PATJ: variants seen among roughly 807,000 people sequenced by gnomAD.
The protein encoded by PATJ is PATJ crumbs cell polarity complex component.
PATJ carries 190 observed loss-of-function variants against 224.9 expected under a neutral mutation model. The ratio of observed to expected loss-of-function variants is 0.84; its 90% confidence interval spans 0.75 to 0.95. The LOEUF (loss-of-function observed/expected upper bound fraction) is 0.95. PATJ is among the 40% of genes least tolerant of loss of function. The pLI, the probability that PATJ is intolerant of heterozygous loss-of-function variation, is 0.00. For synonymous variants in PATJ, 769 were observed against 820.3 expected, an observed-to-expected ratio of 0.94 and a Z score of 1.07; for missense variants, 2,121 against 2,270.3, an observed-to-expected ratio of 0.93 and a Z score of 1.34.
At chr1:61,765,065 C>CTTTTTTTTT (rs1491546787) in intron 3 of PATJ, among the ~76,000 whole-genome samples, 3 of 17,010 alleles carry the variant, frequency 1.8e-4, no homozygotes, top group Non-Finnish European at 3.6e-4. Flanking sequence ...TATTGACATT[C>CTTTTTTTTT]ATTTTTTTTT....
intron 20 of PATJ, among the ~76,000 whole-genome samples, chr1:61,867,189 C>T (rs1266936406): frequency 1.3e-5 from 2 of 152,160 alleles, no homozygotes; most frequent in East Asian, 1.9e-4. Context: ...TTTTACCCAG[C>T]GCTATTCAAG....
At chr1:62,038,934 C>T in intron 30 of PATJ, 2 of 1,171,246 alleles carry the variant, frequency 1.7e-6, no homozygotes, top group South Asian at 1.2e-5. Context: ...ATCTGGGTTG[C>T]CATGGGACCC....
chr1:62,121,385 A>G (rs1165335509), intron 38 of PATJ, 90 bp downstream of exon 38: 150 of 791,534 alleles, frequency 1.9e-4, no homozygotes, highest in Non-Finnish European at 1.8e-5. Flanking sequence ...CTTCTTTAAT[A>G]TAAATGTTTT....
At chr1:62,098,594 C>CA (rs111316760) in intron 33 of PATJ, among the ~76,000 whole-genome samples, 28,749 of 138,870 alleles carry the variant, frequency 0.21, 2,827 homozygotes, top group South Asian at 0.35. Flanking sequence ...GACCGTGTCT[C>CA]AAAAAAAAAA....
At position 62,103,929 on chromosome 1, in the gene PATJ, C is replaced by T. The variant is rs550735708; in HGVS notation, c.4378-4508C>T. Among the ~76,000 whole-genome samples the T allele has an allele frequency of 6.6e-5, 10 of 152,278 alleles. No individual in the cohort carries two copies. The East Asian group carries it at 1.5e-3, about 24-fold the overall frequency. On this transcript the variant is annotated intron_variant, in intron 33 of 43. Coordinates refer to ENST00000642238, the MANE Select transcript of PATJ (RefSeq NM_001350145.3). ...ACAGTAGCAGGGCCAAGATTTAGAC[C>T]AAAGAAGTCTGACTCCAGAAGCCTA...
intron 41 of PATJ, among the ~76,000 whole-genome samples, chr1:62,147,493 T>C (rs1028514036): frequency 6.6e-6 from 1 of 151,978 alleles, no homozygotes; most frequent in African/African-American, 2.4e-5. Context: ...AAACTCCCTC[T>C]ACAAATACAA....
intron 31 of PATJ, chr1:62,073,204 G>C: frequency 1.0e-6 from 1 of 985,356 alleles, no homozygotes; most frequent in Non-Finnish European, 1.2e-6. Flanking sequence ...TTTATTACTT[G>C]ACAGGAGGTT....
In PATJ at chr1:62,128,891, T is replaced by A; in HGVS notation, c.5217T>A (p.Ser1739=). The A allele has an allele frequency of 6.2e-7, 1 of 1,613,756 alleles. No individual in the cohort carries two copies. Among genetic ancestry groups the A allele is most frequent in the Non-Finnish European group, 8.5e-7 (1 of 1,179,682 alleles). The change falls in exon 41 of 44, where the codon TCT becomes TCA. Residue 1739 remains serine, a synonymous_variant. Coordinates refer to ENST00000642238, the MANE Select transcript of PATJ (RefSeq NM_001350145.3). Reference sequence around the variant, plus strand: ...ACGGGCAACCTTTGGATGGGCTGTCTCACGCGGATGTGGTTAATCTGCTGA... The same window carrying A: ...ACGGGCAACCTTTGGATGGGCTGTCACACGCGGATGTGGTTAATCTGCTGA... ...SINGQPLDGL[S]HADVVNLLKN...
At chr1:61,822,585 A>G (rs1657512357) in intron 14 of PATJ, among the ~76,000 whole-genome samples, 5 of 152,168 alleles carry the variant, frequency 3.3e-5, no homozygotes, top group Admixed American at 3.3e-4. Context: ...AGTTAATTAG[A>G]TAATAAAGAA....
chr1:61,985,227 G>A (rs138566270), intron 27 of PATJ, among the ~76,000 whole-genome samples: 1 of 151,976 alleles, frequency 6.6e-6, no homozygotes, highest in Non-Finnish European at 1.5e-5. Context: ...CAGGGGAATC[G>A]CTTGAACCCG....
intron 1 of PATJ, among the ~76,000 whole-genome samples, chr1:61,750,459 G>T (rs1335064669): frequency 8.3e-6 from 1 of 120,466 alleles, no homozygotes. Flanking sequence ...TTTTGAGATG[G>T]AGTTTCTCTA....
chr1:61,873,063 A>C (rs1029282518), intron 20 of PATJ, among the ~76,000 whole-genome samples: 1 of 152,146 alleles, frequency 6.6e-6, no homozygotes, highest in Non-Finnish European at 1.5e-5. Context: ...AACAACCAAA[A>C]TTCCAGCAAT....
At chr1:62,117,531 G>A in intron 37 of PATJ, 1 of 554,992 alleles carries the variant, frequency 1.8e-6, no homozygotes, top group Non-Finnish European at 2.4e-6. Flanking sequence ...GCAACATCTG[G>A]TGGCAATTTG....
intron 33 of PATJ, among the ~76,000 whole-genome samples, chr1:62,096,258 T>A (rs1022348555): frequency 1.3e-3 from 3 of 2,316 alleles, no homozygotes; most frequent in Non-Finnish European, 1.9e-3. Context: ...AAGACTCAAA[T>A]TTCTACCACT....
chr1:61,790,506 CTTTTTTTTGTTTT>C (rs1176822022), intron 8 of PATJ, among the ~76,000 whole-genome samples: 1 of 105,494 alleles, frequency 9.5e-6, no homozygotes, highest in East Asian at 3.8e-4. Flanking sequence ...TTTTCTTCTT[CTTTTTTTTGTTTT>C]TTTTTTTTGT....
chr1:62,038,960 C>A, intron 30 of PATJ: 2 of 1,363,306 alleles, frequency 1.5e-6, no homozygotes. Context: ...GATGAGCATG[C>A]TGGAGTGATA....
At chr1:61,802,317 T>A (rs1212680800) in intron 12 of PATJ, among the ~76,000 whole-genome samples, 1 of 152,240 alleles carries the variant, frequency 6.6e-6, no homozygotes, top group East Asian at 1.9e-4. Context: ...GGTCTCAAAC[T>A]CCTGGCTTCA....
chr1:62,132,945 A>AT lies in PATJ; in HGVS notation c.5271+4009dup, dbSNP rs755479157. ...TTACATAAGTAAGTGAATAGGTGTGATTTTTTTTTAATTGAGGTAAAAAGT... is the reference window on the plus strand; with the variant it reads ...TTACATAAGTAAGTGAATAGGTGTGATTTTTTTTTTAATTGAGGTAAAAAGT... On this transcript the variant is annotated intron_variant, in intron 41 of 43. Coordinates refer to ENST00000642238, the MANE Select transcript of PATJ (RefSeq NM_001350145.3). 1.9e-3 allele frequency among the ~76,000 whole-genome samples: 286 copies of AT among 151,510 alleles called. 1 individual carries two copies. The highest frequency in any genetic ancestry group is 3.4e-3 in the Non-Finnish European group (232 of 67,842).
intron 41 of PATJ, among the ~76,000 whole-genome samples, chr1:62,140,654 A>G (rs936199951): frequency 2.6e-5 from 4 of 151,218 alleles, no homozygotes; most frequent in African/African-American, 9.7e-5. Context: ...CACCACCTCA[A>G]AAAAAAAAAT....
Sources: gnomAD v4.1 joint callset for allele counts (sites outside exome capture counted in the v4.1 genomes callset) on GRCh38, gnomAD v4.1.1 for gene constraint, MANE v1.5 for transcripts, NCBI Gene and HGNC (gene_info 2026-07-23, HGNC 2026-07-21) for gene names.